AJM1: variants seen among roughly 807,000 people sequenced by gnomAD.
AJM1 encodes the protein apical junction component 1 homolog, also known as uncharacterized protein C9orf172.
AJM1 carries 22 observed loss-of-function variants against 43.0 expected under a neutral mutation model. The observed-to-expected ratio is 0.51, with a 90% CI of 0.37 to 0.73. The LOEUF (loss-of-function observed/expected upper bound fraction) is 0.73, where lower values mean the gene tolerates loss of function less well. Among genes scored for constraint, AJM1 ranks in the 30% least tolerant of loss-of-function variants. The probability of loss-of-function intolerance (pLI) is 0.00; values close to 1 mark genes in which losing one functional copy is unlikely to be tolerated. For synonymous variants in AJM1, 719 were observed against 638.3 expected (o/e 1.13, Z -1.91); for missense variants, 1,305 against 1,343.3 (o/e 0.97, Z 0.45).
chr9:136,846,713 C>T lies in AJM1; in HGVS notation c.2299C>T (p.Arg767Cys). ...TCCAGGCTCGGCCGACAACTTCCTG[C>T]GCTTTGGCCTGGAGGGGCTGCTGCT... Reference protein sequence around the residue: ...PSPGSADNFLRFGLEGLLLSP... With the variant: ...PSPGSADNFLCFGLEGLLLSP... The change falls in exon 3 of 3, where the codon CGC becomes TGC. Residue 767 changes from arginine (R) to cysteine (C), a missense_variant. Transcript: ENST00000436881. The T allele has an allele frequency of 1.2e-6, 2 of 1,604,450 alleles. No individual in the cohort carries two copies. Among genetic ancestry groups the T allele is most frequent in the Non-Finnish European group, 8.5e-7 (1 of 1,178,704 alleles).
rs772481691 is a variant in AJM1 at position 136,845,772 on chromosome 9, TG to T, written c.1360del (p.Ala454ProfsTer41). On this transcript the variant is annotated frameshift_variant, in exon 3 of 3. Coordinates refer to ENST00000436881, the MANE Select transcript of AJM1 (RefSeq NM_001080482.5). LOFTEE classifies it high-confidence loss of function. ...TACTCGCGCTCCTGGGACAACATTC[TG>T]GCCCCGGGGCCGCGCCGAGAAGACC... ...RHYSRSWDNILAPGPRREDPL... is the reference protein window; with the variant it reads ...RHYSRSWDNIXAPGPRREDPL... 1 of 1,576,286 alleles carries T rather than the reference TG, an allele frequency of 6.3e-7. No individual in the cohort carries two copies. Among genetic ancestry groups the T allele is most frequent in the African/African-American group, 1.4e-5 (1 of 74,014 alleles).
chr9:136,845,070 C>A lies in AJM1; in HGVS notation c.656C>A (p.Ala219Asp), dbSNP rs1241067410. 2.7e-6 allele frequency: 3 copies of A among 1,102,128 alleles called. No individual in the cohort carries two copies. Among genetic ancestry groups the A allele is most frequent in the Admixed American group, 3.9e-5 (2 of 51,756 alleles). 68.3% of individuals were successfully genotyped at this position (1,102,128 alleles called of 1,614,324 possible). A position where few individuals can be genotyped will look rare whatever the true frequency, so the allele number is the denominator to read the frequency against. ...GAGGCCGCGCACTGGGCCCGCCCCG[C>A]CCCGCAGTTCCACGGCCTCACGGTG... ...PTEAAHWARPAPQFHGLTVPG... is the reference protein window; with the variant it reads ...PTEAAHWARPDPQFHGLTVPG... The change falls in exon 3 of 3, where the codon GCC becomes GAC. Residue 219 changes from alanine (A) to aspartate (D), a missense_variant. Around this residue, in one of 6 missense-constraint regions of AJM1, gnomAD observed 653 missense variants for 549.1 expected, o/e 1.19. Transcript: ENST00000436881.
rs1848786910 is a variant in AJM1 at position 136,847,048 on chromosome 9, G to A, written c.2634G>A (p.Pro878=). The change falls in exon 3 of 3, where the codon CCG becomes CCA. Residue 878 remains proline (P), a synonymous_variant. Transcript: ENST00000436881. The stretch of plus-strand genomic sequence containing the variant: ...TGGAGACGCTGATCCTGACGCCACC[G>A]CCGGGCACGGCGGGCCTGGATCAGG... The part of the protein sequence containing the change: ...PDMETLILTP[P]PGTAGLDQDG... The A allele has an allele frequency of 3.6e-6, 5 of 1,375,252 alleles. No homozygotes were observed. Among genetic ancestry groups the A allele is most frequent in the Admixed American group, 2.4e-5 (1 of 40,936 alleles). 85.2% of individuals were successfully genotyped at this position (1,375,252 alleles called of 1,614,324 possible).
chr9:136,845,636 C>T lies in AJM1; in HGVS notation c.1222C>T (p.Pro408Ser). ...GGCCTGGGCGGACTGGGGCCCGCGA[C>T]CGTACCGCACCCTGCAAGTGGTGCC... is the stretch of plus-strand genomic sequence containing the variant. ...SPAWADWGPRPYRTLQVVPPS... is the reference protein window; with the variant it reads ...SPAWADWGPRSYRTLQVVPPS... Residue 408 changes from proline to serine, a missense_variant, in exon 3 of 3, where the codon CCG becomes TCG. Around this residue, in one of 6 missense-constraint regions of AJM1, gnomAD observed 653 missense variants for 549.1 expected, o/e 1.19. Transcript: ENST00000436881. The T allele has an allele frequency of 6.3e-7, 1 of 1,577,674 alleles. No individual in the cohort carries two copies. Among genetic ancestry groups the T allele is most frequent in the Non-Finnish European group, 8.6e-7 (1 of 1,168,748 alleles).
At chr9:136,843,437 C>T (rs920779943) in intron 1 of AJM1, among the ~76,000 whole-genome samples, 14 of 152,370 alleles carry the variant, frequency 9.2e-5, no homozygotes, top group East Asian at 3.9e-4. Flanking sequence ...CCCCACCCTC[C>T]GCCCTGCCCA....
In AJM1 at chr9:136,847,164, T is replaced by C; in HGVS notation, c.2750T>C (p.Phe917Ser). Reference protein sequence around the residue: ...RLRGVFLRHEFPRVYEQLCEF... With the variant: ...RLRGVFLRHESPRVYEQLCEF... ...CGCGGCGTCTTCCTGCGCCACGAGT[T>C]CCCGCGCGTCTACGAGCAGCTTTGC... The change falls in exon 3 of 3, where the codon TTC (phenylalanine) becomes TCC (serine). Residue 917 changes from phenylalanine (F) to serine (S), a missense_variant. By Grantham distance (155) the Phe-to-Ser change is radical. Around this residue, in one of 6 missense-constraint regions of AJM1, gnomAD observed 116 missense variants for 113.4 expected, o/e 1.02. Transcript: ENST00000436881. 1 of 1,602,046 alleles carries C rather than the reference T, an allele frequency of 6.2e-7. No individual in the cohort carries two copies. Among genetic ancestry groups the C allele is most frequent in the Non-Finnish European group, 8.5e-7 (1 of 1,178,634 alleles).
chr9:136,843,115 G>C (rs1848725578), intron 1 of AJM1, among the ~76,000 whole-genome samples: 1 of 151,922 alleles, frequency 6.6e-6, no homozygotes, highest in African/African-American at 2.4e-5. Context: ...CTGGGACACA[G>C]AGGGGGGACC....
At position 136,848,012 on chromosome 9, in the gene AJM1, C is replaced by G. The variant is rs1848805716; in HGVS notation, c.*667C>G. ...GGGCGGACGGTGCGCAGTGCGTTCC[C>G]GCTGGTCGGAGCCAGCACACTAACC... On this transcript the variant is annotated 3_prime_UTR_variant, in exon 3 of 3. Coordinates refer to ENST00000436881, the MANE Select transcript of AJM1 (RefSeq NM_001080482.5). 1 of 152,328 alleles carries G rather than the reference C, an allele frequency of 6.6e-6. No homozygotes were observed. Among genetic ancestry groups the G allele is most frequent in the Non-Finnish European group, 1.5e-5 (1 of 68,092 alleles). The allele number at this position is 152,328 out of a possible 1,614,324, so 9.4% of individuals were successfully genotyped here. A position where few individuals can be genotyped will look rare whatever the true frequency, so the allele number is the denominator to read the frequency against.
Position 136,842,602 on chromosome 9 carries a change from G to A in AJM1, c.-144+13G>A, listed in dbSNP as rs1848717981. Among the ~76,000 whole-genome samples, 1 of 152,238 alleles carries A rather than the reference G, an allele frequency of 6.6e-6. No homozygotes were observed. The highest frequency in any genetic ancestry group is 1.5e-5 in the Non-Finnish European group (1 of 68,042). On this transcript the variant is annotated intron_variant, in intron 1 of 2. Coordinates refer to ENST00000436881, the MANE Select transcript of AJM1 (RefSeq NM_001080482.5). ...GAGCAGCACCCAGGTAAGGGGCTAGGGGCCGAGTTGCTGAGTGTGTCACCG... is the reference window on the plus strand; with the variant it reads ...GAGCAGCACCCAGGTAAGGGGCTAGAGGCCGAGTTGCTGAGTGTGTCACCG...
rs1176224190 is a variant in AJM1, at chr9:136,847,992, G to A, written c.*647G>A. The stretch of plus-strand genomic sequence containing the variant: ...TCCCGCCGAGGCGGTGGGCAGGGCG[G>A]ACGGTGCGCAGTGCGTTCCCGCTGG... On this transcript the variant is annotated 3_prime_UTR_variant, in exon 3 of 3. Transcript: ENST00000436881. 1.3e-5 allele frequency: 2 copies of A among 152,302 alleles called. No individual in the cohort carries two copies. The highest frequency in any genetic ancestry group is 3.8e-4 in the East Asian group (2 of 5,200). The allele number at this position is 152,302 out of a possible 1,614,324, so 9.4% of individuals were successfully genotyped here.
At position 136,845,696 on chromosome 9, in the gene AJM1, C is replaced by T. The variant is rs771800176; in HGVS notation, c.1282C>T (p.His428Tyr). 1.3e-6 allele frequency: 2 copies of T among 1,572,260 alleles called. No homozygotes were observed. The highest frequency in any genetic ancestry group is 1.7e-6 in the Non-Finnish European group (2 of 1,167,728). Residue 428 changes from histidine to tyrosine, a missense_variant, in exon 3 of 3, where the codon CAC becomes TAC. By Grantham distance (83) the His-to-Tyr change is moderately conservative. Transcript: ENST00000436881. ...SDPDPLLASW[H>Y]GGTGTSPPRL... ...CCCCGACCCGTTGCTCGCCTCCTGG[C>T]ACGGCGGCACCGGCACCAGTCCGCC...
At chr9:136,844,081 C>T (rs1050659164) in intron 1 of AJM1, among the ~76,000 whole-genome samples, 115 bp from the exon 2 acceptor site, 5 of 152,192 alleles carry the variant, frequency 3.3e-5, no homozygotes, top group Non-Finnish European at 7.4e-5. Flanking sequence ...CGCGGGAGCT[C>T]CCGCCGCGGG....
In AJM1 at chr9:136,847,330, G is replaced by A. The variant is rs1848792711; in HGVS notation, c.2916G>A (p.Leu972=). The change falls in exon 3 of 3, where the codon CTG becomes CTA. Residue 972 remains leucine, a synonymous_variant. Transcript: ENST00000436881. ...ACTGGGTGGCCAGCGCCAACCTGCTGGACGACATCATGTGAGGCGCCGGGC... is the reference window on the plus strand; with the variant it reads ...ACTGGGTGGCCAGCGCCAACCTGCTAGACGACATCATGTGAGGCGCCGGGC... ...ALDWVASANL[L]DDIM 1 of 1,523,556 alleles carries A rather than the reference G, an allele frequency of 6.6e-7. No homozygotes were observed. Among genetic ancestry groups the A allele is most frequent in the Admixed American group, 2.0e-5 (1 of 50,284 alleles). The allele number at this position is 1,523,556 out of a possible 1,614,324, so 94.4% of individuals were successfully genotyped here.
In AJM1 at chr9:136,844,734, C is replaced by A; in HGVS notation, c.320C>A (p.Pro107His). 1.6e-6 allele frequency: 1 copy of A among 624,452 alleles called. No homozygotes were observed. The highest frequency in any genetic ancestry group is 2.0e-6 in the Non-Finnish European group (1 of 488,622). 38.7% of individuals were successfully genotyped at this position (624,452 alleles called of 1,614,324 possible). Reference sequence around the variant, plus strand: ...GCGCCCCCGGGCCTGACGCCCGCGCCCGCCTCGCCGCCGGTGTTGCCCCGC... The same window carrying A: ...GCGCCCCCGGGCCTGACGCCCGCGCACGCCTCGCCGCCGGTGTTGCCCCGC... Reference protein sequence around the residue: ...PRAPPGLTPAPASPPVLPRRG... With the variant: ...PRAPPGLTPAHASPPVLPRRG... The change falls in exon 3 of 3, where the codon CCC (proline) becomes CAC (histidine). Residue 107 changes from proline to histidine, a missense_variant. Around this residue, in one of 6 missense-constraint regions of AJM1, gnomAD observed 653 missense variants for 549.1 expected, o/e 1.19. Transcript: ENST00000436881.
intron 1 of AJM1, among the ~76,000 whole-genome samples, chr9:136,843,095 C>T (rs1278331028): frequency 1.3e-5 from 2 of 151,518 alleles, no homozygotes; most frequent in African/African-American, 2.4e-5. Context: ...AGCAGGAAGC[C>T]CCTGCACACC....
In AJM1 at chr9:136,847,845, C is replaced by T. The variant is rs1323247184; in HGVS notation, c.*500C>T. The T allele has an allele frequency of 6.5e-6, 1 of 154,988 alleles. No homozygotes were observed. The highest frequency in any genetic ancestry group is 2.4e-5 in the African/African-American group (1 of 41,584). The allele number at this position is 154,988 out of a possible 1,614,324, so 9.6% of individuals were successfully genotyped here. ...CTCCGGTTTCCCCTCGTCCAGAAGC[C>T]CGACGTAACCAAAGCCCAGTCTGTC... On this transcript the variant is annotated 3_prime_UTR_variant, in exon 3 of 3. Coordinates refer to ENST00000436881, the MANE Select transcript of AJM1 (RefSeq NM_001080482.5).
Position 136,845,949 on chromosome 9 carries a change from C to T in AJM1, c.1535C>T (p.Ser512Leu), listed in dbSNP as rs530324864. 7 of 1,553,910 alleles carry T rather than the reference C, an allele frequency of 4.5e-6. No homozygotes were observed. Among genetic ancestry groups the T allele is most frequent in the African/African-American group, 1.4e-5 (1 of 73,268 alleles). Residue 512 changes from serine to leucine, a missense_variant, in exon 3 of 3, where the codon TCG (serine) becomes TTG (leucine). Physicochemically the swap from Ser to Leu is moderately radical, Grantham distance 145 (BLOSUM62 -2). Coordinates refer to ENST00000436881, the MANE Select transcript of AJM1 (RefSeq NM_001080482.5). ...RYAALSLSETSLTEKGRAGEG... is the reference protein window; with the variant it reads ...RYAALSLSETLLTEKGRAGEG... Reference sequence around the variant, plus strand: ...GCCGCACTGTCCCTGTCCGAGACGTCGCTGACGGAGAAGGGCCGCGCGGGC... The same window carrying T: ...GCCGCACTGTCCCTGTCCGAGACGTTGCTGACGGAGAAGGGCCGCGCGGGC...
Position 136,844,804 on chromosome 9 carries a change from G to A in AJM1, c.390G>A (p.Pro130=), listed in dbSNP as rs556955617. 1,891 of 221,584 alleles carry A rather than the reference G, an allele frequency of 8.5e-3. 17 individuals are homozygous for A. The highest frequency in any genetic ancestry group is 0.011 in the Non-Finnish European group (1,377 of 122,452). 13.7% of individuals were successfully genotyped at this position (221,584 alleles called of 1,614,324 possible). A position where few individuals can be genotyped will look rare whatever the true frequency, so the allele number is the denominator to read the frequency against. Residue 130 remains proline, a synonymous_variant, in exon 3 of 3, where the codon CCG becomes CCA. Transcript: ENST00000436881. ...AQRAARAEAS[P]RREPAYPALR... is the part of the protein sequence containing the mutation. ...GTGCGGCGCGGGCCGAGGCATCGCC[G>A]CGCCGGGAGCCCGCGTACCCGGCGC...
Position 136,845,891 on chromosome 9 carries a change from G to A in AJM1, c.1477G>A (p.Val493Ile). 2 of 1,558,432 alleles carry A rather than the reference G, an allele frequency of 1.3e-6. No individual in the cohort carries two copies. The highest frequency in any genetic ancestry group is 8.7e-7 in the Non-Finnish European group (1 of 1,152,760). Reference protein sequence around the residue: ...VSPEGRRPPVVVNLSTSPRRY... With the variant: ...VSPEGRRPPVIVNLSTSPRRY... The stretch of plus-strand genomic sequence containing the variant: ...CCCCGAAGGCCGGCGCCCGCCCGTC[G>A]TCGTGAACCTGTCCACCTCTCCCAG... The change falls in exon 3 of 3, where the codon GTC becomes ATC. Residue 493 changes from valine (V) to isoleucine (I), a missense_variant. This residue lies in a region of AJM1 where 653 missense variants were observed against 549.1 expected (regional missense o/e 1.19). Coordinates refer to ENST00000436881, the MANE Select transcript of AJM1 (RefSeq NM_001080482.5).
Sources: gnomAD v4.1 joint callset for allele counts (sites outside exome capture counted in the v4.1 genomes callset) on GRCh38, gnomAD v4.1.1 for gene constraint, gnomAD v4.1.1 regional missense constraint, MANE v1.5 for transcripts, NCBI Gene and HGNC (gene_info 2026-07-23, HGNC 2026-07-21) for gene names.